GGA1: variants seen among roughly 807,000 people sequenced by gnomAD.
The protein encoded by GGA1 is ADP-ribosylation factor-binding protein GGA1.
GGA1 carries 18 observed loss-of-function variants against 76.9 expected under a neutral mutation model. That is an observed-to-expected ratio of 0.23 (90% CI 0.16 to 0.35). The LOEUF is 0.35. Among genes scored for constraint, GGA1 ranks in the 10% least tolerant of loss-of-function variants. The pLI is 1.00. For synonymous variants in GGA1, 342 were observed against 354.7 expected (o/e 0.96, Z 0.40); for missense variants, 755 against 859.0 (o/e 0.88, Z 1.51).
intron 7 of GGA1, 137 bp downstream of exon 7, chr22:37,621,833 T>TGG (rs1929953818): frequency 3.5e-6 from 2 of 568,374 alleles, no homozygotes; most frequent in African/African-American, 1.9e-5. Context: ...AAGCTGATGC[T>TGG]GGGGGACCAG....
At chr22:37,619,968 A>G in intron 4 of GGA1, 1 of 631,972 alleles carries the variant, frequency 1.6e-6, no homozygotes, top group African/African-American at 1.8e-5. Context: ...GACTATGAGC[A>G]GGCCTGTCCC....
In GGA1 at chr22:37,624,851, C is replaced by T. The variant is rs529284055; in HGVS notation, c.833-118C>T. 7.2e-7 allele frequency: 1 copy of T among 1,394,872 alleles called. No homozygotes were observed. Among genetic ancestry groups the T allele is most frequent in the South Asian group, 1.4e-5 (1 of 73,142 alleles). The allele number at this position is 1,394,872 out of a possible 1,614,324, so 86.4% of individuals were successfully genotyped here. On this transcript the variant is annotated intron_variant, in intron 9 of 16. Coordinates refer to ENST00000343632, the MANE Select transcript of GGA1 (RefSeq NM_013365.5). This position sits in a 1 kb window ranked among gnomAD's most constrained non-coding sequence, Gnocchi z 4.3. ...CTCAGCAGACGAGATGGGCTGTTTC[C>T]CTGCCCCTTTCCCTTCCCCTCACAC...
chr22:37,614,027 AAT>A (rs1482463927), intron 1 of GGA1, 161 bp from the exon 2 acceptor site: 2 of 622,472 alleles, frequency 3.2e-6, no homozygotes, highest in Non-Finnish European at 5.8e-6. Flanking sequence ...CTACACCCAC[AAT>A]CAGGTCTTGA....
chr22:37,619,741 C>CCAT (rs1158435675), intron 4 of GGA1: 1 of 772,930 alleles, frequency 1.3e-6, no homozygotes, highest in Non-Finnish European at 2.4e-6. Context: ...TTGCTCAGAC[C>CCAT]CATCCTTTGA....
rs576420576 is a variant in GGA1, at chr22:37,625,082, G to A, written c.940+6G>A. 3.9e-5 allele frequency: 62 copies of A among 1,578,416 alleles called. No individual in the cohort carries two copies. Among genetic ancestry groups the A allele is most frequent in the Admixed American group, 5.4e-5 (3 of 55,088 alleles). On this transcript the variant is annotated splice_donor_region_variant and intron_variant, in intron 10 of 16. Transcript: ENST00000343632. The surrounding 1 kb of genome is among the most constrained non-coding windows in gnomAD (Gnocchi z 4.1). ...CACAGCCGGCTCCATCCCTGGTGAG[G>A]AGGTGGCAGGAGAGCTGGGAGGGCA...
At chr22:37,631,583 T>C (rs1931810622) in intron 14 of GGA1, among the ~76,000 whole-genome samples, 1 of 152,154 alleles carries the variant, frequency 6.6e-6, no homozygotes, top group South Asian at 2.1e-4. Flanking sequence ...ACCCCCACAG[T>C]GTCTCCCAGC....
At chr22:37,631,964 C>A in intron 14 of GGA1, 32 bp from the exon 15 acceptor site, 1 of 1,576,426 alleles carries the variant, frequency 6.3e-7, no homozygotes, top group Non-Finnish European at 8.6e-7. Flanking sequence ...TGCAGCTCAG[C>A]TGTCCCATCG....
chr22:37,608,946 CG>C, intron 1 of GGA1, 43 bp downstream of exon 1: 3 of 1,298,018 alleles, frequency 2.3e-6, no homozygotes. Context: ...GAACCGGAAC[CG>C]GGGGCACGAG....
In GGA1 at chr22:37,632,307, C is replaced by T; in HGVS notation, c.1699-98C>T. 7.7e-7 allele frequency: 1 copy of T among 1,301,050 alleles called. No individual in the cohort carries two copies. Among genetic ancestry groups the T allele is most frequent in the Non-Finnish European group, 1.1e-6 (1 of 908,812 alleles). The allele number at this position is 1,301,050 out of a possible 1,614,324, so 80.6% of individuals were successfully genotyped here. ...TAGAAGGGACCAGAAGGACTGAGCCCCAGGATCCCCGGAGGGGAGCTGGCA... is the reference window on the plus strand; with the variant it reads ...TAGAAGGGACCAGAAGGACTGAGCCTCAGGATCCCCGGAGGGGAGCTGGCA... On this transcript the variant is annotated intron_variant, in intron 15 of 16. Transcript: ENST00000343632. This position sits in a 1 kb window ranked among gnomAD's most constrained non-coding sequence, Gnocchi z 5.1.
At chr22:37,620,096 TG>T in intron 4 of GGA1, 141 bp from the exon 5 acceptor site, 1 of 817,902 alleles carries the variant, frequency 1.2e-6, no homozygotes, top group Non-Finnish European at 2.1e-6. Flanking sequence ...TACCCCAGGC[TG>T]GTTGGGCGGG....
chr22:37,626,168 C>G, intron 11 of GGA1: 1 of 395,376 alleles, frequency 2.5e-6, no homozygotes, highest in Middle Eastern at 6.5e-4. Context: ...CTGGCAACCT[C>G]TAAGCCGGCC....
At position 37,630,909 on chromosome 22, in the gene GGA1, G is replaced by A; in HGVS notation, c.1338G>A (p.Lys446=). The A allele has an allele frequency of 6.2e-7, 1 of 1,610,360 alleles. No homozygotes were observed. Among genetic ancestry groups the A allele is most frequent in the East Asian group, 2.2e-5 (1 of 44,778 alleles). The change falls in exon 14 of 17, where the codon AAG becomes AAA. Residue 446 remains lysine (K), a synonymous_variant. Transcript: ENST00000343632. ...PPESQQVRWE[K]QQPTPRLTLR... ...GCACTGTCCCCCGATTAAGGGAGAAGCAGCAGCCAACCCCCCGGCTCACAC... is the reference window on the plus strand; with the variant it reads ...GCACTGTCCCCCGATTAAGGGAGAAACAGCAGCCAACCCCCCGGCTCACAC...
chr22:37,611,477 A>G (rs777465003), intron 1 of GGA1, among the ~76,000 whole-genome samples: 2 of 152,136 alleles, frequency 1.3e-5, no homozygotes, highest in African/African-American at 2.4e-5. Flanking sequence ...CTGAGTATTC[A>G]TTGTTTCTCT....
At chr22:37,630,234 T>TC in intron 13 of GGA1, 64 bp downstream of exon 13, 1 of 1,237,862 alleles carries the variant, frequency 8.1e-7, no homozygotes, top group Non-Finnish European at 1.1e-6. Context: ...ACCAGCAACT[T>TC]CTCCTGGGCT....
At chr22:37,631,153 C>T in intron 14 of GGA1, 54 bp downstream of exon 14, 2 of 1,374,708 alleles carry the variant, frequency 1.5e-6, no homozygotes, top group Non-Finnish European at 2.0e-6. Context: ...GCTGCCCTGT[C>T]AGGAGCTCTG....
chr22:37,630,474 C>G (rs942889033), intron 13 of GGA1, among the ~76,000 whole-genome samples: 1 of 151,894 alleles, frequency 6.6e-6, no homozygotes, highest in Non-Finnish European at 1.5e-5. Context: ...AGGGAGAACA[C>G]GAGCTGCTCC....
chr22:37,622,160 C>T (rs1930011332), intron 7 of GGA1, among the ~76,000 whole-genome samples: 1 of 151,974 alleles, frequency 6.6e-6, no homozygotes, highest in African/African-American at 2.4e-5. Flanking sequence ...CTCATTGCAG[C>T]CTCAACCTCC....
chr22:37,619,808 G>A (rs370001059), intron 4 of GGA1: 90 of 778,424 alleles, frequency 1.2e-4, no homozygotes, highest in Non-Finnish European at 2.0e-4. Flanking sequence ...AGGGGACTCT[G>A]CTGTGAGAGC....
In GGA1 at chr22:37,623,576, A is replaced by C; in HGVS notation, c.775A>C (p.Met259Leu). The C allele has an allele frequency of 1.9e-6, 3 of 1,610,372 alleles. No individual in the cohort carries two copies. Among genetic ancestry groups the C allele is most frequent in the Non-Finnish European group, 1.7e-6 (2 of 1,178,290 alleles). Residue 259 changes from methionine to leucine, a missense_variant, in exon 9 of 17, where the codon ATG (methionine) becomes CTG (leucine). By Grantham distance (15) the Met-to-Leu change is conservative (BLOSUM62 2). Transcript: ENST00000343632. The surrounding 1 kb of genome is among the most constrained non-coding windows in gnomAD (Gnocchi z 4.6). ...GGAACTGTACCAGCGCTGTGAGCGGATGCGGCCCACGCTCTTCCGACTGGC... is the reference window on the plus strand; with the variant it reads ...GGAACTGTACCAGCGCTGTGAGCGGCTGCGGCCCACGCTCTTCCGACTGGC... ...MKELYQRCER[M>L]RPTLFRLASD...
Sources: gnomAD v4.1 joint callset for allele counts (sites outside exome capture counted in the v4.1 genomes callset) on GRCh38, gnomAD v4.1.1 for gene constraint, Gnocchi (gnomAD v3.1) non-coding constraint, MANE v1.5 for transcripts, NCBI Gene and HGNC (gene_info 2026-07-23, HGNC 2026-07-21) for gene names.